Variants in MAP4 observed in about 807,000 individuals in gnomAD.
MAP4 encodes the protein microtubule associated protein 4.
A neutral mutation model predicts 170.2 loss-of-function variants in MAP4; 76 were observed. The observed-to-expected ratio is 0.45, with a 90% CI of 0.37 to 0.54. The LOEUF is 0.54. Among genes scored for constraint, MAP4 ranks in the 20% least tolerant of loss-of-function variants. MAP4 has a pLI of 0.00. For missense variants in MAP4, 2,506 were observed against 2,748.0 expected (o/e 0.91, Z 1.97); for synonymous variants, 909 against 994.5 (o/e 0.91, Z 1.62).
intron 1 of MAP4, among the ~76,000 whole-genome samples, chr3:48,031,666 G>A (rs1402519854): frequency 4.0e-5 from 6 of 151,768 alleles, no homozygotes; most frequent in Non-Finnish European, 4.4e-5. Flanking sequence ...CCAGGGTTGC[G>A]GTAAGCCACG....
rs2100041113 is a variant in MAP4, at chr3:47,918,742, G to C, written c.629C>G (p.Ala210Gly). Residue 210 changes from alanine to glycine, a missense_variant, in exon 6 of 21, where the codon GCA (alanine) becomes GGA (glycine). Physicochemically the swap from Ala to Gly is moderately conservative, Grantham distance 60. Transcript: ENST00000683076. ...SESFVSPEAV[A>G]EPPQPTAVPL... Reference sequence around the variant, plus strand: ...ACCTGCCGTTGGCTGAGGAGGTTCTGCAACAGCCTCTGGGGAAACAAAGGA... The same window carrying C: ...ACCTGCCGTTGGCTGAGGAGGTTCTCCAACAGCCTCTGGGGAAACAAAGGA... 3 of 1,610,148 alleles carry C rather than the reference G, an allele frequency of 1.9e-6. No homozygotes were observed. The highest frequency in any genetic ancestry group is 2.5e-6 in the Non-Finnish European group (3 of 1,176,562).
intron 3 of MAP4, among the ~76,000 whole-genome samples, chr3:47,952,669 TAAAAATAAAAATAA>T (rs1559580413): frequency 6.7e-6 from 1 of 149,640 alleles, no homozygotes; most frequent in Non-Finnish European, 1.5e-5. Context: ...AAAAAAAAAA[TAAAAATAAAAATAA>T]AAATAAAAAA....
chr3:48,075,541 C>T (rs1481907189), intron 1 of MAP4, among the ~76,000 whole-genome samples: 1 of 151,716 alleles, frequency 6.6e-6, no homozygotes, highest in Non-Finnish European at 1.5e-5. Flanking sequence ...AAAGAAAGTC[C>T]AGAAATAAGC....
intron 10 of MAP4, among the ~76,000 whole-genome samples, chr3:47,900,244 T>C (rs1186720987): frequency 2.0e-5 from 3 of 152,208 alleles, no homozygotes; most frequent in Non-Finnish European, 4.4e-5. Context: ...TCCAAGTGTT[T>C]AGACATACAT....
At chr3:47,871,841 A>T in intron 13 of MAP4, 76 bp downstream of exon 13, 1 of 1,403,324 alleles carries the variant, frequency 7.1e-7, no homozygotes, top group Non-Finnish European at 9.9e-7. Flanking sequence ...GATACTAGCT[A>T]GAGCTATGGC....
chr3:47,908,101 G>C (rs2100034086), intron 9 of MAP4, among the ~76,000 whole-genome samples: 1 of 150,812 alleles, frequency 6.6e-6, no homozygotes, highest in African/African-American at 2.4e-5. Context: ...GGGAAACAGT[G>C]ATTAAGAAAT....
At chr3:47,990,014 TC>T (rs1167696301) in intron 2 of MAP4, among the ~76,000 whole-genome samples, 1 of 152,084 alleles carries the variant, frequency 6.6e-6, no homozygotes, top group Non-Finnish European at 1.5e-5. Context: ...AGCAGGCAAA[TC>T]AGCTTGGCAG....
chr3:48,059,957 A>G, intron 1 of MAP4, among the ~76,000 whole-genome samples: 1 of 147,038 alleles, frequency 6.8e-6, no homozygotes, highest in Admixed American at 7.0e-5. Flanking sequence ...TGGGCCACAG[A>G]GTGAGACTCT....
In MAP4 at chr3:47,927,459, TTTTGTTTG is replaced by T. The variant is rs555223887; in HGVS notation, c.415+761_415+768del. ...TAGCTCTGGGCTACTACAGATAGGCTTTTGTTTGTTTGTTTGTTTGTTTGTTTGTTTTT... is the reference window on the plus strand; with the variant it reads ...TAGCTCTGGGCTACTACAGATAGGCTTTTGTTTGTTTGTTTGTTTGTTTTT... On this transcript the variant is annotated intron_variant, in intron 4 of 20. Coordinates refer to ENST00000683076, the MANE Select transcript of MAP4 (RefSeq NM_001385682.1). Among the ~76,000 whole-genome samples, 146 of 152,046 alleles carry T rather than the reference TTTTGTTTG, an allele frequency of 9.6e-4. 1 individual carries two copies. Among genetic ancestry groups the T allele is most frequent in the South Asian group, 2.5e-3 (12 of 4,810 alleles).
intron 8 of MAP4, among the ~76,000 whole-genome samples, chr3:47,913,779 G>A (rs2100037149): frequency 6.6e-6 from 1 of 152,104 alleles, no homozygotes; most frequent in Admixed American, 6.6e-5. Context: ...AGTGAAATAA[G>A]TCATGGGCCC....
chr3:47,964,563 T>C (rs1357671991), intron 3 of MAP4, among the ~76,000 whole-genome samples: 2 of 152,198 alleles, frequency 1.3e-5, no homozygotes, highest in Admixed American at 1.3e-4. Context: ...AAATTTGAGA[T>C]ATCAATTCTA....
intron 1 of MAP4, among the ~76,000 whole-genome samples, chr3:48,028,734 T>G (rs2100114360): frequency 6.6e-6 from 1 of 150,906 alleles, no homozygotes. Flanking sequence ...ATTGCGCCAC[T>G]GCACTCCAGC....
chr3:47,968,298 C>T (rs894552687), intron 3 of MAP4, among the ~76,000 whole-genome samples: 8 of 152,128 alleles, frequency 5.3e-5, no homozygotes, highest in Non-Finnish European at 8.8e-5. Context: ...ACATTCCACC[C>T]GCATCAAGAG....
chr3:48,082,179 TAGAAAAA>T (rs2100146957), intron 1 of MAP4, among the ~76,000 whole-genome samples: 1 of 152,064 alleles, frequency 6.6e-6, no homozygotes, highest in African/African-American at 2.4e-5. Context: ...TAGAAAGAAT[TAGAAAAA>T]TAGAAAACCA....
Position 47,877,418 on chromosome 3 carries a change from TTTG to T in MAP4, c.5537_5539del (p.Thr1846del). Reference sequence around the variant, plus strand: ...GATAACCACCATTCTGGCACCTACCTTTGTTTTCTTCTCTGGGCTTGGTGGGAG... The same window carrying T: ...GATAACCACCATTCTGGCACCTACCTTTTTCTTCTCTGGGCTTGGTGGGAG... On this transcript the variant is annotated inframe_deletion and splice_region_variant, in exon 11 of 21. Coordinates refer to ENST00000683076, the MANE Select transcript of MAP4 (RefSeq NM_001385682.1). The T allele has an allele frequency of 6.2e-7, 1 of 1,612,852 alleles. No individual in the cohort carries two copies. The highest frequency in any genetic ancestry group is 8.5e-7 in the Non-Finnish European group (1 of 1,178,868).
intron 3 of MAP4, among the ~76,000 whole-genome samples, chr3:47,947,893 C>A (rs1439643368): frequency 6.6e-6 from 1 of 151,938 alleles, no homozygotes; most frequent in Non-Finnish European, 1.5e-5. Flanking sequence ...TAATTAAAGG[C>A]TATGACAACA....
At position 47,987,287 on chromosome 3, in the gene MAP4, G is replaced by C. The variant is rs146408447; in HGVS notation, c.224-9354C>G. 2.5e-4 allele frequency: 212 copies of C among 850,858 alleles called. 2 individuals are homozygous for C. In the East Asian group the frequency reaches 5.6e-3, roughly 23 times the overall value. 52.7% of individuals were successfully genotyped at this position (850,858 alleles called of 1,614,324 possible). ...TAAACAAAATATTATTCCTGTGCTAGAGCATGTTAATAAGTGTAAGATAAC... is the reference window on the plus strand; with the variant it reads ...TAAACAAAATATTATTCCTGTGCTACAGCATGTTAATAAGTGTAAGATAAC... On this transcript the variant is annotated intron_variant, in intron 2 of 20. Transcript: ENST00000683076.
chr3:47,864,549 C>T (rs111733064), intron 17 of MAP4, among the ~76,000 whole-genome samples: 8 of 151,860 alleles, frequency 5.3e-5, no homozygotes, highest in South Asian at 2.1e-4. Context: ...TTGTGGCGGG[C>T]GCCTGTAGTC....
intron 1 of MAP4, among the ~76,000 whole-genome samples, chr3:48,062,514 A>C (rs1003028975): frequency 1.3e-5 from 2 of 150,444 alleles, no homozygotes; most frequent in African/African-American, 4.9e-5. Context: ...AAAAAAAAAA[A>C]AAACATCACT....
Sources: allele counts gnomAD v4.1 joint callset (sites outside exome capture counted in the v4.1 genomes callset), GRCh38; gene constraint gnomAD v4.1.1; transcripts MANE v1.5; gene names NCBI Gene and HGNC (gene_info 2026-07-23, HGNC 2026-07-21).